Variants in FANCD2 observed in about 807,000 individuals in gnomAD.
FANCD2 encodes FA complementation group D2, also known as Fanconi anemia group D2 protein.
In FANCD2, 131 loss-of-function variants were observed where a neutral mutation model predicts 192.3. That is an observed-to-expected ratio of 0.68 (90% CI 0.59 to 0.79). FANCD2 has a LOEUF of 0.79. FANCD2 is among the 30% of genes least tolerant of loss of function. FANCD2 has a pLI of 0.00. For synonymous variants in FANCD2, 524 were observed against 612.5 expected (o/e 0.86, Z 2.13); for missense variants, 1,508 against 1,701.6 (o/e 0.89, Z 2.00).
At chr3:10,081,532 C>A in intron 32 of FANCD2, 68 bp downstream of exon 32, 13 of 1,062,272 alleles carry the variant, frequency 1.2e-5, no homozygotes, top group Non-Finnish European at 1.9e-5. Context: ...CACCAAGGCA[C>A]TGAAATGTAG....
At chr3:10,071,836 T>G (rs181661934) in intron 26 of FANCD2, among the ~76,000 whole-genome samples, 1 of 152,334 alleles carries the variant, frequency 6.6e-6, no homozygotes, top group Non-Finnish European at 1.5e-5. Context: ...CTCGGCTTAC[T>G]GCGACCTCTG....
At chr3:10,029,007 A>G (rs781445211) in intron 2 of FANCD2, among the ~76,000 whole-genome samples, 1 of 152,234 alleles carries the variant, frequency 6.6e-6, no homozygotes, top group Non-Finnish European at 1.5e-5. Flanking sequence ...AGACACAAAG[A>G]CATAACATAG....
At chr3:10,038,013 C>T (rs907970480) in intron 7 of FANCD2, among the ~76,000 whole-genome samples, 21 of 152,154 alleles carry the variant, frequency 1.4e-4, no homozygotes, top group African/African-American at 4.8e-4. Context: ...TATTTTGAGA[C>T]GGAATCTCAC....
chr3:10,060,639 G>T (rs2087539111), intron 19 of FANCD2, among the ~76,000 whole-genome samples: 1 of 152,198 alleles, frequency 6.6e-6, no homozygotes, highest in Admixed American at 6.5e-5. Context: ...GGATTGGCTA[G>T]AGGTAAAATT....
rs1693719148 is a variant in FANCD2 at position 10,079,587 on chromosome 3, A to G, written c.2976+1390A>G. On this transcript the variant is annotated intron_variant, in intron 30 of 43. Transcript: ENST00000675286. ...CCAATCCGCCCACCTCGGCCTCCCA[A>G]AGTGCTGGGATTATAGGCGTGAGCA... Among the ~76,000 whole-genome samples, 8 of 152,178 alleles carry G rather than the reference A, an allele frequency of 5.3e-5. No homozygotes were observed. In the South Asian group the frequency reaches 1.7e-3, roughly 32 times the overall value.
chr3:10,063,163 G>A (rs2087617286), intron 20 of FANCD2, among the ~76,000 whole-genome samples: 2 of 152,178 alleles, frequency 1.3e-5, no homozygotes, highest in African/African-American at 4.8e-5. Flanking sequence ...GGCAGGGCAC[G>A]GTGGTTTGCG....
At chr3:10,039,209 C>A in intron 7 of FANCD2, 70 bp from the exon 8 acceptor site, 1 of 1,070,256 alleles carries the variant, frequency 9.3e-7, no homozygotes. Context: ...ATATTTTGTG[C>A]AGTATTAATG....
chr3:10,039,962 C>G, intron 9 of FANCD2, 117 bp downstream of exon 9: 1 of 1,154,770 alleles, frequency 8.7e-7, no homozygotes, highest in South Asian at 1.3e-5. Context: ...GATGATACCC[C>G]CCTTCATGAG....
chr3:10,039,993 A>T (rs1484930214), intron 9 of FANCD2, 148 bp downstream of exon 9: 28 of 554,648 alleles, frequency 5.0e-5, no homozygotes, highest in East Asian at 5.0e-4. Context: ...GATTTGACTT[A>T]AAAAAAAAAG....
At chr3:10,040,519 C>T (rs2086839648) in intron 9 of FANCD2, 1 of 456,566 alleles carries the variant, frequency 2.2e-6, no homozygotes, top group African/African-American at 2.0e-5. Context: ...TAAACATCTA[C>T]CTTCTTTGGG....
chr3:10,030,574 A>G (rs2086567032), intron 2 of FANCD2, among the ~76,000 whole-genome samples: 1 of 152,226 alleles, frequency 6.6e-6, no homozygotes, highest in African/African-American at 2.4e-5. Flanking sequence ...TTGTGAGTCC[A>G]AAACCATGTA....
intron 3 of FANCD2, 56 bp from the exon 4 acceptor site, chr3:10,034,413 A>G: frequency 8.1e-7 from 1 of 1,234,174 alleles, no homozygotes; most frequent in Non-Finnish European, 1.2e-6. Flanking sequence ...TTGGGTTTTT[A>G]GAGAAGGAAA....
chr3:10,072,747 T>C, intron 26 of FANCD2, 124 bp from the exon 27 acceptor site: 1 of 710,266 alleles, frequency 1.4e-6, no homozygotes, highest in Admixed American at 2.0e-5. Flanking sequence ...ATATGTCTTA[T>C]AAGCATTCAG....
chr3:10,031,299 T>A (rs186457997), intron 2 of FANCD2, among the ~76,000 whole-genome samples: 2 of 152,112 alleles, frequency 1.3e-5, no homozygotes, highest in East Asian at 1.9e-4. Context: ...GTCAGGAGAT[T>A]GAGACCATCT....
intron 26 of FANCD2, among the ~76,000 whole-genome samples, chr3:10,067,923 A>G (rs1026829205): frequency 6.2e-4 from 95 of 152,166 alleles, no homozygotes; most frequent in African/African-American, 2.2e-3. Context: ...AAGGACAAAA[A>G]CCACATGATA....
At chr3:10,094,424 T>C in intron 40 of FANCD2, 61 bp downstream of exon 40, 1 of 1,404,346 alleles carries the variant, frequency 7.1e-7, no homozygotes, top group Non-Finnish European at 1.0e-6. Context: ...AGATATGTCC[T>C]TGGTGACTCC....
chr3:10,097,067 T>C (rs1168104511), intron 42 of FANCD2, among the ~76,000 whole-genome samples: 1 of 152,096 alleles, frequency 6.6e-6, no homozygotes. Flanking sequence ...CAGCAAGTTT[T>C]TATTAGGGAT....
In FANCD2 at chr3:10,080,112, A is replaced by T. The variant is rs141142140; in HGVS notation, c.2977-988A>T. Among the ~76,000 whole-genome samples the T allele has an allele frequency of 3.9e-4, 60 of 152,032 alleles. No homozygotes were observed. The East Asian group carries it at 0.011, about 28-fold the overall frequency. On this transcript the variant is annotated intron_variant, in intron 30 of 43. Coordinates refer to ENST00000675286, the MANE Select transcript of FANCD2 (RefSeq NM_001018115.3). ...GTATTTTTAGTAAAGATGGGGTTTC[A>T]CCATGTTGGCCAGGATTGTCTTGAT...
intron 6 of FANCD2, among the ~76,000 whole-genome samples, chr3:10,035,822 C>T (rs2086714153): frequency 6.6e-6 from 1 of 151,992 alleles, no homozygotes; most frequent in African/African-American, 2.4e-5. Context: ...TGAGAGCTCC[C>T]CTTGCAAGTT....
Sources: gnomAD v4.1 joint callset for allele counts (sites outside exome capture counted in the v4.1 genomes callset) on GRCh38, gnomAD v4.1.1 for gene constraint, MANE v1.5 for transcripts, NCBI Gene and HGNC (gene_info 2026-07-23, HGNC 2026-07-21) for gene names.